Variants in NUBPL observed in about 807,000 individuals in gnomAD.
NUBPL encodes the protein iron-sulfur cluster transfer protein NUBPL.
NUBPL carries 31 observed loss-of-function variants against 45.7 expected under a neutral mutation model. That is an observed-to-expected ratio of 0.68 (90% CI 0.51 to 0.92). The LOEUF is 0.92. NUBPL is among the 40% of genes least tolerant of loss of function. NUBPL has a pLI of 0.00. For missense variants in NUBPL, 401 were observed against 398.7 expected (o/e 1.01, Z -0.05); for synonymous variants, 144 against 140.9 (o/e 1.02, Z -0.15).
chr14:31,726,490 T>G (rs573081286), intron 6 of NUBPL, among the ~76,000 whole-genome samples: 1 of 152,244 alleles, frequency 6.6e-6, no homozygotes, highest in Non-Finnish European at 1.5e-5. Context: ...TGTTGCTATA[T>G]CATTTTTCTG....
chr14:31,585,999 T>A (rs988447534), intron 3 of NUBPL, among the ~76,000 whole-genome samples: 2 of 152,248 alleles, frequency 1.3e-5, no homozygotes, highest in Non-Finnish European at 1.5e-5. Context: ...TATCTTAAGT[T>A]GTACAAGGTT....
rs1346707785 is a variant in NUBPL, at chr14:31,750,607, A to G, written c.514-37173A>G. Among the ~76,000 whole-genome samples, 4 of 151,958 alleles carry G rather than the reference A, an allele frequency of 2.6e-5. 1 individual carries two copies. Among genetic ancestry groups the G allele is most frequent in the Admixed American group, 6.6e-5 (1 of 15,256 alleles). ...TGGAGGCGTCATTTTTCTTTGCTTTATCATTCTTCTTTTGTCCCCATATTA... is the reference window on the plus strand; with the variant it reads ...TGGAGGCGTCATTTTTCTTTGCTTTGTCATTCTTCTTTTGTCCCCATATTA... On this transcript the variant is annotated intron_variant, in intron 6 of 10. Coordinates refer to ENST00000281081, the MANE Select transcript of NUBPL (RefSeq NM_025152.3).
intron 6 of NUBPL, among the ~76,000 whole-genome samples, chr14:31,725,165 T>C (rs542685264): frequency 1.3e-5 from 2 of 152,060 alleles, no homozygotes; most frequent in African/African-American, 2.4e-5. Flanking sequence ...CTGAGTGGGA[T>C]TGAAAGGTAG....
At chr14:31,700,473 G>A (rs1022443593) in intron 6 of NUBPL, among the ~76,000 whole-genome samples, 2 of 152,186 alleles carry the variant, frequency 1.3e-5, no homozygotes, top group Admixed American at 6.5e-5. Context: ...GCCCACTGCT[G>A]CACTGTGGGA....
intron 7 of NUBPL, among the ~76,000 whole-genome samples, chr14:31,793,833 T>TTTA (rs1156882075): frequency 7.7e-6 from 1 of 130,086 alleles, no homozygotes; most frequent in African/African-American, 4.3e-5. Flanking sequence ...TCTTTCTTTT[T>TTTA]TTTTTTTATT....
intron 4 of NUBPL, among the ~76,000 whole-genome samples, chr14:31,603,577 T>TA (rs2034504827): frequency 6.6e-6 from 1 of 152,200 alleles, no homozygotes; most frequent in Non-Finnish European, 1.5e-5. Context: ...CAGCATTGCT[T>TA]ACCATTTAAG....
chr14:31,652,225 A>T (rs2036026075), intron 4 of NUBPL, among the ~76,000 whole-genome samples: 1 of 129,478 alleles, frequency 7.7e-6, no homozygotes, highest in African/African-American at 2.5e-5. Flanking sequence ...GATCTCACTT[A>T]TGTGCGGAAT....
intron 4 of NUBPL, chr14:31,654,172 A>G: frequency 2.2e-6 from 1 of 451,178 alleles, no homozygotes; most frequent in Non-Finnish European, 4.4e-6. Flanking sequence ...CATTGCATAT[A>G]AAAGTTATGT....
At chr14:31,688,132 A>T (rs1017581928) in intron 6 of NUBPL, among the ~76,000 whole-genome samples, 21 of 152,242 alleles carry the variant, frequency 1.4e-4, no homozygotes, top group African/African-American at 4.8e-4. Context: ...AAAGCAAAAG[A>T]TAGCTGAAGA....
intron 6 of NUBPL, among the ~76,000 whole-genome samples, chr14:31,693,827 T>TTAAACATGAG (rs2037148465): frequency 6.7e-6 from 1 of 148,944 alleles, no homozygotes; most frequent in Non-Finnish European, 1.5e-5. Flanking sequence ...AAAAAAACCT[T>TTAAACATGAG]TAAACATGAG....
At chr14:31,840,193 G>T (rs2040346263) in intron 8 of NUBPL, among the ~76,000 whole-genome samples, 1 of 152,038 alleles carries the variant, frequency 6.6e-6, no homozygotes, top group Non-Finnish European at 1.5e-5. Flanking sequence ...GCCAAGATAT[G>T]GAATCAACCA....
At chr14:31,646,610 T>A (rs953157625) in intron 4 of NUBPL, among the ~76,000 whole-genome samples, 23 of 152,302 alleles carry the variant, frequency 1.5e-4, no homozygotes, top group African/African-American at 5.5e-4. Context: ...ATGTTATTTA[T>A]CTCTTTTCTC....
intron 4 of NUBPL, among the ~76,000 whole-genome samples, chr14:31,665,743 G>T (rs1217741676): frequency 6.6e-6 from 1 of 152,092 alleles, no homozygotes; most frequent in Admixed American, 6.5e-5. Context: ...ATGTCTATTA[G>T]GTCTGTTTGG....
rs1358171818 is a variant in NUBPL at position 31,833,904 on chromosome 14, CAATT to C, written c.693+7192_693+7195del. The stretch of plus-strand genomic sequence containing the variant: ...ATCTCTCAAGAAGCCTAAGAAATAT[CAATT>C]AGTTGTGTGCCAAGGAAGATGAGAT... On this transcript the variant is annotated intron_variant, in intron 8 of 10. Coordinates refer to ENST00000281081, the MANE Select transcript of NUBPL (RefSeq NM_025152.3). 2.0e-5 allele frequency among the ~76,000 whole-genome samples: 3 copies of C among 152,084 alleles called. No homozygotes were observed. In the East Asian group the frequency reaches 5.8e-4, roughly 29 times the overall value.
intron 3 of NUBPL, among the ~76,000 whole-genome samples, chr14:31,574,587 T>G: frequency 7.5e-6 from 1 of 133,368 alleles, no homozygotes; most frequent in East Asian, 2.2e-4. Flanking sequence ...TCCTTCTTTT[T>G]TTTTTTTTTT....
intron 4 of NUBPL, among the ~76,000 whole-genome samples, chr14:31,606,580 G>A (rs985907605): frequency 6.6e-5 from 10 of 152,188 alleles, no homozygotes; most frequent in African/African-American, 2.4e-4. Flanking sequence ...GCTATTTGCT[G>A]CTCGGCTTGT....
In NUBPL at chr14:31,572,879, C is replaced by G. The variant is rs2033625146; in HGVS notation, c.291+7831C>G. Among the ~76,000 whole-genome samples, 5 of 152,110 alleles carry G rather than the reference C, an allele frequency of 3.3e-5. No individual in the cohort carries two copies. The East Asian group carries it at 5.8e-4, about 18-fold the overall frequency. ...CAAACCTGTATAGCATGTTACTGTACTGAATACTGTAGACGTTTGTAACAC... is the reference window on the plus strand; with the variant it reads ...CAAACCTGTATAGCATGTTACTGTAGTGAATACTGTAGACGTTTGTAACAC... On this transcript the variant is annotated intron_variant, in intron 3 of 10. Coordinates refer to ENST00000281081, the MANE Select transcript of NUBPL (RefSeq NM_025152.3).
At chr14:31,838,298 A>AG (rs1555343022) in intron 8 of NUBPL, among the ~76,000 whole-genome samples, 1 of 72,950 alleles carries the variant, frequency 1.4e-5, no homozygotes, top group East Asian at 6.9e-4. Context: ...AAAAAAAAAA[A>AG]AGAGAGAGAC....
In NUBPL at chr14:31,649,731, T is replaced by A. The variant is rs575686700; in HGVS notation, c.383-23624T>A. ...TGTTGAGACTGCTGAAGTTATTTTT[T>A]AAAAATGTTAAGTATACATTTTATG... On this transcript the variant is annotated intron_variant, in intron 4 of 10. Transcript: ENST00000281081. Among the ~76,000 whole-genome samples, 5 of 152,344 alleles carry A rather than the reference T, an allele frequency of 3.3e-5. No individual in the cohort carries two copies. The East Asian group carries it at 7.7e-4, about 23-fold the overall frequency.
Sources: gnomAD v4.1 joint callset for allele counts (sites outside exome capture counted in the v4.1 genomes callset) on GRCh38, gnomAD v4.1.1 for gene constraint, MANE v1.5 for transcripts, NCBI Gene and HGNC (gene_info 2026-07-23, HGNC 2026-07-21) for gene names.